Variants in AAK1 observed in about 807,000 individuals in gnomAD.
The protein encoded by AAK1 is AP2 associated kinase 1, also known as AP2-associated protein kinase 1.
A neutral mutation model predicts 116.0 loss-of-function variants in AAK1; 37 were observed. The ratio of observed to expected loss-of-function variants is 0.32; its 90% CI spans 0.25 to 0.42. The LOEUF is 0.42. AAK1 is among the 10% of genes least tolerant of loss of function. The pLI is 1.00. For missense variants in AAK1, 919 were observed against 1,170.6 expected, an observed-to-expected ratio of 0.79 and a Z score of 3.14; for synonymous variants, 458 against 439.9, an observed-to-expected ratio of 1.04 and a Z score of -0.51.
chr2:69,608,061 A>G (rs1008480060), intron 2 of AAK1, among the ~76,000 whole-genome samples: 2 of 152,268 alleles, frequency 1.3e-5, no homozygotes, highest in African/African-American at 2.4e-5. Flanking sequence ...AATATCTGCT[A>G]GATTTAGTCA....
intron 17 of AAK1, among the ~76,000 whole-genome samples, chr2:69,490,458 C>T (rs1675477643): frequency 6.6e-6 from 1 of 152,044 alleles, no homozygotes; most frequent in Non-Finnish European, 1.5e-5. Context: ...TATATACATA[C>T]AATGGAATAT....
At chr2:69,565,737 C>T (rs1399563817) in intron 2 of AAK1, among the ~76,000 whole-genome samples, 8 of 141,242 alleles carry the variant, frequency 5.7e-5, no homozygotes, top group Middle Eastern at 5.0e-3. Context: ...TTGGGTGTAC[C>T]ATTCAGGTGG....
chr2:69,524,670 T>A (rs1669943070), intron 10 of AAK1, among the ~76,000 whole-genome samples: 1 of 152,022 alleles, frequency 6.6e-6, no homozygotes, highest in African/African-American at 2.4e-5. Flanking sequence ...CGACCTCAGG[T>A]GATCTACCCT....
chr2:69,622,023 C>A (rs900037491), intron 2 of AAK1, among the ~76,000 whole-genome samples: 6 of 152,262 alleles, frequency 3.9e-5, no homozygotes, highest in African/African-American at 9.6e-5. Context: ...ACTGTGGGAG[C>A]CCCTTTCTGG....
chr2:69,612,342 T>C (rs953783452), intron 2 of AAK1, among the ~76,000 whole-genome samples: 2 of 152,250 alleles, frequency 1.3e-5, no homozygotes, highest in African/African-American at 4.8e-5. Context: ...GCAGTCCTTC[T>C]ACCTATTAGC....
chr2:69,570,210 T>C (rs1044731671), intron 2 of AAK1, among the ~76,000 whole-genome samples: 2 of 152,012 alleles, frequency 1.3e-5, no homozygotes, highest in Non-Finnish European at 2.9e-5. Context: ...CAACAAACTT[T>C]CAGAACTTTA....
At position 69,472,778 on chromosome 2, in the gene AAK1, T is replaced by C; in HGVS notation, c.*3091A>G. Reference sequence around the variant, plus strand: ...CGTTTTAAACTGGTAGATGCCTGATTATACATTTAAAAAGAAATCTTCTGA... The same window carrying C: ...CGTTTTAAACTGGTAGATGCCTGATCATACATTTAAAAAGAAATCTTCTGA... On this transcript the variant is annotated 3_prime_UTR_variant, in exon 22 of 22. Coordinates refer to ENST00000409085, the MANE Select transcript of AAK1 (RefSeq NM_014911.5). The C allele has an allele frequency of 4.1e-6, 4 of 984,368 alleles. No homozygotes were observed. The highest frequency in any genetic ancestry group is 4.8e-6 in the Non-Finnish European group (4 of 829,374). 61.0% of individuals were successfully genotyped at this position (984,368 alleles called of 1,614,324 possible). A position where few individuals can be genotyped will look rare whatever the true frequency, so the allele number is the denominator to read the frequency against.
At chr2:69,613,485 G>A (rs1674180093) in intron 2 of AAK1, among the ~76,000 whole-genome samples, 4 of 152,132 alleles carry the variant, frequency 2.6e-5, no homozygotes, top group Non-Finnish European at 5.9e-5. Context: ...TCCGGATGGG[G>A]GCTGGTTGGC....
intron 2 of AAK1, among the ~76,000 whole-genome samples, chr2:69,624,346 T>A (rs866656692): frequency 2.0e-5 from 3 of 152,228 alleles, no homozygotes; most frequent in Admixed American, 6.5e-5. Flanking sequence ...ATTGGTTAAG[T>A]AAATTGCAAC....
At chr2:69,628,235 C>T (rs1167036363) in intron 2 of AAK1, among the ~76,000 whole-genome samples, 1 of 151,938 alleles carries the variant, frequency 6.6e-6, no homozygotes, top group African/African-American at 2.4e-5. Flanking sequence ...TGCTTAAAAC[C>T]AGAAGTTTGA....
chr2:69,621,941 T>C (rs553298762), intron 2 of AAK1, among the ~76,000 whole-genome samples: 8 of 152,332 alleles, frequency 5.3e-5, no homozygotes, highest in Non-Finnish European at 1.2e-4. Flanking sequence ...TAGCCCTCAC[T>C]CGCTTTCGAC....
At chr2:69,557,403 T>C (rs989655623) in intron 2 of AAK1, among the ~76,000 whole-genome samples, 1 of 151,224 alleles carries the variant, frequency 6.6e-6, no homozygotes, top group African/African-American at 2.4e-5. Flanking sequence ...CTGGGTTCAA[T>C]CGATCCTCCC....
At chr2:69,615,315 G>T (rs927218151) in intron 2 of AAK1, among the ~76,000 whole-genome samples, 1 of 152,106 alleles carries the variant, frequency 6.6e-6, no homozygotes, top group Non-Finnish European at 1.5e-5. Context: ...TGTCACTTGG[G>T]CTCTGATCCT....
At chr2:69,598,333 T>G (rs1353309088) in intron 2 of AAK1, 1 of 341,484 alleles carries the variant, frequency 2.9e-6, no homozygotes, top group African/African-American at 2.1e-5. Flanking sequence ...GAAGTATCCT[T>G]TCATGGTGTT....
In AAK1 at chr2:69,475,686, GA is replaced by G. The variant is rs2104881695; in HGVS notation, c.*182del. The stretch of plus-strand genomic sequence containing the variant: ...GGAGGAACTGGCCAAGGAATATCTG[GA>G]GGGCCAAAGTGATTTTCTTTCCTTA... On this transcript the variant is annotated 3_prime_UTR_variant, in exon 22 of 22. Transcript: ENST00000409085. 7.2e-7 allele frequency: 1 copy of G among 1,386,434 alleles called. No individual in the cohort carries two copies. The highest frequency in any genetic ancestry group is 2.6e-5 in the East Asian group (1 of 39,044). 85.9% of individuals were successfully genotyped at this position (1,386,434 alleles called of 1,614,324 possible).
chr2:69,529,623 T>C (rs943879117), intron 8 of AAK1, among the ~76,000 whole-genome samples: 1 of 152,240 alleles, frequency 6.6e-6, no homozygotes. Flanking sequence ...CTCCAGTGAA[T>C]GTACTGCAAT....
chr2:69,556,838 C>T lies in AAK1; in HGVS notation c.282+22G>A, dbSNP rs535801823. On this transcript the variant is annotated intron_variant, in intron 3 of 21. Coordinates refer to ENST00000409085, the MANE Select transcript of AAK1 (RefSeq NM_014911.5). Reference sequence around the variant, plus strand: ...TCTCTGCCTCCATTTTAAACAGTCCCAAGTCCAAGGGGCAGCCTTACCATT... The same window carrying T: ...TCTCTGCCTCCATTTTAAACAGTCCTAAGTCCAAGGGGCAGCCTTACCATT... 3.2e-6 allele frequency: 5 copies of T among 1,578,734 alleles called. No homozygotes were observed. In the East Asian group the frequency reaches 9.0e-5, roughly 28 times the overall value.
intron 2 of AAK1, among the ~76,000 whole-genome samples, chr2:69,569,428 C>T (rs1045011213): frequency 6.6e-6 from 1 of 152,124 alleles, no homozygotes; most frequent in Admixed American, 6.5e-5. Flanking sequence ...TGCACTTCCC[C>T]CTAAATACTT....
At chr2:69,560,345 A>G (rs1353862314) in intron 2 of AAK1, among the ~76,000 whole-genome samples, 1 of 152,256 alleles carries the variant, frequency 6.6e-6, no homozygotes, top group Non-Finnish European at 1.5e-5. Context: ...CTATTACGGA[A>G]GGAGGCTGTC....
Sources: gnomAD v4.1 joint callset for allele counts (sites outside exome capture counted in the v4.1 genomes callset) on GRCh38, gnomAD v4.1.1 for gene constraint, MANE v1.5 for transcripts, NCBI Gene and HGNC (gene_info 2026-07-23, HGNC 2026-07-21) for gene names.